The following CBR4 variants were observed in gnomAD, a reference collection of about 807,000 sequenced individuals.
The protein encoded by CBR4 is carbonyl reductase 4, also known as 3-oxoacyl-[acyl-carrier-protein] reductase.
CBR4 carries 22 observed loss-of-function variants against 21.0 expected under a neutral mutation model. The observed-to-expected ratio is 1.05, with a 90% CI of 0.75 to 1.50. The LOEUF (loss-of-function observed/expected upper bound fraction) is 1.50. Ranked by LOEUF, CBR4 falls within the 40% of genes most tolerant of loss-of-function variation. The pLI is 0.00. For missense variants in CBR4, 302 were observed against 286.3 expected (o/e 1.05, Z -0.40); for synonymous variants, 100 against 104.4 (o/e 0.96, Z 0.26).
intron 2 of CBR4, chr4:168,913,903 A>C: frequency 6.8e-7 from 1 of 1,481,012 alleles, no homozygotes; most frequent in Non-Finnish European, 9.4e-7. Flanking sequence ...ATAGCAAATC[A>C]TTTATTTCCT....
At chr4:169,009,867 C>T (rs779399083) in intron 1 of CBR4, 81 bp downstream of exon 1, 13 of 1,365,666 alleles carry the variant, frequency 9.5e-6, no homozygotes, top group Non-Finnish European at 1.3e-5. Context: ...AAAGGCCAGA[C>T]CCGCTCTTTT....
At position 168,999,163 on chromosome 4, in the gene CBR4, G is replaced by C. The variant is rs534339303; in HGVS notation, c.535+2908C>G. On this transcript the variant is annotated intron_variant, in intron 4 of 4. Coordinates refer to ENST00000306193, the MANE Select transcript of CBR4 (RefSeq NM_032783.5). ...ATCTTTAAAAAGTCAACAGTATTAG[G>C]CAATGAATCGCAGCCTAATTTATTA... Among the ~76,000 whole-genome samples the C allele has an allele frequency of 1.2e-4, 19 of 152,050 alleles. 1 individual carries two copies. The South Asian group carries it at 3.7e-3, about 30-fold the overall frequency.
At chr4:168,919,003 T>A (rs762833554) in intron 2 of CBR4, among the ~76,000 whole-genome samples, 5 of 152,166 alleles carry the variant, frequency 3.3e-5, no homozygotes, top group African/African-American at 4.8e-5. Flanking sequence ...AATCTGGAAT[T>A]TATTTTTAAA....
At chr4:168,986,499 C>T (rs140656762), downstream of CBR4, among the ~76,000 whole-genome samples, 331 of 152,300 alleles carry the variant, frequency 2.2e-3, 1 homozygote, top group South Asian at 0.02. Flanking sequence ...CTTGACCCCA[C>T]CATACTGTAT....
intron 2 of CBR4, chr4:168,904,071 T>A: frequency 1.5e-6 from 1 of 681,006 alleles, no homozygotes; most frequent in South Asian, 1.7e-5. Context: ...AGAAAAATTC[T>A]TTGTTTCATG....
intron 2 of CBR4, among the ~76,000 whole-genome samples, chr4:168,920,594 C>G (rs1041359473): frequency 2.0e-5 from 3 of 152,180 alleles, no homozygotes; most frequent in African/African-American, 7.2e-5. Flanking sequence ...TGGCGACCAT[C>G]CTGACCCTTT....
intron 2 of CBR4, among the ~76,000 whole-genome samples, chr4:168,908,992 C>T (rs1582092444): frequency 1.3e-5 from 2 of 152,288 alleles, no homozygotes; most frequent in South Asian, 2.1e-4. Context: ...CAGCTCTAAA[C>T]ATATACTGGG....
intron 2 of CBR4, among the ~76,000 whole-genome samples, chr4:168,944,460 A>G (rs1283216409): frequency 6.6e-6 from 1 of 152,036 alleles, no homozygotes; most frequent in African/African-American, 2.4e-5. Context: ...CCTGGGAGAC[A>G]AAGTGAGACC....
intron 2 of CBR4, among the ~76,000 whole-genome samples, chr4:168,974,702 C>G (rs928003127): frequency 6.6e-6 from 1 of 152,118 alleles, no homozygotes; most frequent in Non-Finnish European, 1.5e-5. Context: ...ATTGCTGAAA[C>G]TTTCCACTGT....
chr4:168,993,776 A>C (rs776376929), intron 4 of CBR4, among the ~76,000 whole-genome samples: 7 of 152,148 alleles, frequency 4.6e-5, no homozygotes, highest in Non-Finnish European at 8.8e-5. Context: ...AAACACAATA[A>C]ACTACAGTAG....
At chr4:168,922,569 CAAGA>C (rs1761797295) in intron 2 of CBR4, among the ~76,000 whole-genome samples, 1 of 152,074 alleles carries the variant, frequency 6.6e-6, no homozygotes, top group African/African-American at 2.4e-5. Context: ...TGAGCTCTTT[CAAGA>C]AATAGAGTAG....
chr4:168,941,002 C>T (rs1763248241), intron 2 of CBR4, among the ~76,000 whole-genome samples: 1 of 152,208 alleles, frequency 6.6e-6, no homozygotes, highest in Non-Finnish European at 1.5e-5. Context: ...CAGCACTGTT[C>T]ACAATAGCAA....
intron 2 of CBR4, among the ~76,000 whole-genome samples, chr4:168,967,149 A>G (rs1286803147): frequency 2.0e-5 from 3 of 152,352 alleles, no homozygotes; most frequent in South Asian, 2.1e-4. Context: ...AATGTGGCAC[A>G]TATACACCAT....
At chr4:168,913,884 T>C (rs191442335) in intron 2 of CBR4, 1 of 1,259,782 alleles carries the variant, frequency 7.9e-7, no homozygotes. Context: ...TAGTGGTTAA[T>C]AGTTTTAAAT....
rs774840643 is a variant in CBR4, at chr4:169,010,100, C to A, written c.-11G>T. 3 of 1,578,202 alleles carry A rather than the reference C, an allele frequency of 1.9e-6. No homozygotes were observed. The highest frequency in any genetic ancestry group is 2.2e-5 in the South Asian group (2 of 89,762). ...ACACACTTTGTCCATCTCGGAGTCA[C>A]AAACTCGGAGGAAAGAGGGTAGGGA... On this transcript the variant is annotated 5_prime_UTR_variant, in exon 1 of 5. Transcript: ENST00000306193.
chr4:168,898,598 G>C (rs587780197), intron 2 of CBR4: 1 of 1,613,692 alleles, frequency 6.2e-7, no homozygotes, highest in Non-Finnish European at 8.5e-7. Flanking sequence ...GTATGGAGAT[G>C]TGCCTGTGGA....
chr4:168,995,944 G>C (rs1486720125), intron 4 of CBR4, among the ~76,000 whole-genome samples: 2 of 152,220 alleles, frequency 1.3e-5, no homozygotes, highest in East Asian at 1.9e-4. Flanking sequence ...CTGTACAAGA[G>C]AGAGTGGTGC....
Position 168,988,918 on chromosome 4 carries a change from G to A in CBR4, c.*1232C>T, listed in dbSNP as rs1036406498. On this transcript the variant is annotated 3_prime_UTR_variant, in exon 5 of 5. Transcript: ENST00000306193. ...AAATCTCTGCTTACACAAAATAACT[G>A]TCAGCTCCAAATCAACATGAATGGA... The A allele has an allele frequency of 3.1e-6, 3 of 982,850 alleles. No individual in the cohort carries two copies. The highest frequency in any genetic ancestry group is 4.7e-5 in the South Asian group (1 of 21,234). The allele number at this position is 982,850 out of a possible 1,614,324, so 60.9% of individuals were successfully genotyped here. A position where few individuals can be genotyped will look rare whatever the true frequency, so the allele number is the denominator to read the frequency against.
Position 168,987,730 on chromosome 4 carries a change from A to T in CBR4, c.*2420T>A. The T allele has an allele frequency of 1.0e-6, 1 of 985,074 alleles. No homozygotes were observed. 61.0% of individuals were successfully genotyped at this position (985,074 alleles called of 1,614,324 possible). A position where few individuals can be genotyped will look rare whatever the true frequency, so the allele number is the denominator to read the frequency against. The stretch of plus-strand genomic sequence containing the variant: ...CAATGTTAAGGTACAACTCTTGAAT[A>T]TGCAGCGTAGTCTTCTCTCTTTATT... On this transcript the variant is annotated 3_prime_UTR_variant, in exon 5 of 5. Coordinates refer to ENST00000306193, the MANE Select transcript of CBR4 (RefSeq NM_032783.5).
Sources: allele counts gnomAD v4.1 joint callset (sites outside exome capture counted in the v4.1 genomes callset), GRCh38; gene constraint gnomAD v4.1.1; transcripts MANE v1.5; gene names NCBI Gene and HGNC (gene_info 2026-07-23, HGNC 2026-07-21).